Variants in ALK observed in about 807,000 individuals in gnomAD.
ALK encodes the protein ALK tyrosine kinase receptor.
In ALK, 74 loss-of-function variants were observed where a neutral mutation model predicts 163.1. The ratio of observed to expected loss-of-function variants is 0.45; its 90% CI spans 0.38 to 0.55. ALK has a LOEUF of 0.55. Ranked by LOEUF, ALK falls within the 20% of genes least tolerant of loss-of-function variation. The probability of loss-of-function intolerance (pLI) is 0.00; values close to 1 mark genes in which losing one functional copy is unlikely to be tolerated. For synonymous variants in ALK, 960 were observed against 843.2 expected, an observed-to-expected ratio of 1.14 and a Z score of -2.40; for missense variants, 2,063 against 2,105.3, an observed-to-expected ratio of 0.98 and a Z score of 0.39.
chr2:29,393,399 G>C (rs963014122), intron 4 of ALK, among the ~76,000 whole-genome samples: 1 of 152,158 alleles, frequency 6.6e-6, no homozygotes, highest in African/African-American at 2.4e-5. Flanking sequence ...CATAAAACTA[G>C]AATGGTTATT....
At chr2:29,211,878 T>C (rs952698967) in intron 24 of ALK, among the ~76,000 whole-genome samples, 1 of 152,212 alleles carries the variant, frequency 6.6e-6, no homozygotes, top group African/African-American at 2.4e-5. Context: ...AAAAGAGCAA[T>C]AAATGATTAC....
chr2:29,619,215 A>C (rs1675953829), intron 3 of ALK, among the ~76,000 whole-genome samples: 1 of 152,174 alleles, frequency 6.6e-6, no homozygotes, highest in Non-Finnish European at 1.5e-5. Flanking sequence ...GGAAGTTGGG[A>C]TGATCTTTGC....
chr2:29,426,846 T>C (rs1170858798), intron 4 of ALK, among the ~76,000 whole-genome samples: 1 of 151,940 alleles, frequency 6.6e-6, no homozygotes, highest in Non-Finnish European at 1.5e-5. Context: ...GAGACCATAC[T>C]GGCCAACATG....
At chr2:29,420,986 C>CAATG (rs1201009664) in intron 4 of ALK, among the ~76,000 whole-genome samples, 1 of 151,602 alleles carries the variant, frequency 6.6e-6, no homozygotes, top group Non-Finnish European at 1.5e-5. Context: ...TCAGGAAAAG[C>CAATG]AATGGCCAGG....
chr2:29,732,266 C>G (rs948699146), intron 1 of ALK, among the ~76,000 whole-genome samples: 2 of 152,122 alleles, frequency 1.3e-5, no homozygotes, highest in African/African-American at 4.8e-5. Flanking sequence ...GAAAGTGTGA[C>G]TATTAAATCT....
At chr2:29,909,482 G>C (rs1428652717) in intron 1 of ALK, among the ~76,000 whole-genome samples, 1 of 99,166 alleles carries the variant, frequency 1.0e-5, no homozygotes. Context: ...CAGACAGACA[G>C]AGAGAGAGAG....
At chr2:29,593,150 G>A (rs1172797472) in intron 3 of ALK, among the ~76,000 whole-genome samples, 4 of 152,204 alleles carry the variant, frequency 2.6e-5, no homozygotes, top group Admixed American at 6.5e-5. Context: ...GTTACGTTAC[G>A]CCAGTGCCTG....
chr2:29,454,747 G>A (rs2148096036), intron 4 of ALK, among the ~76,000 whole-genome samples: 1 of 152,188 alleles, frequency 6.6e-6, no homozygotes, highest in Admixed American at 6.5e-5. Context: ...AATAAAAGTT[G>A]CAAAAATAGT....
rs1276135244 is a variant in ALK, at chr2:29,270,888, C to T, written c.2041+4211G>A. On this transcript the variant is annotated intron_variant, in intron 11 of 28. Coordinates refer to ENST00000389048, the MANE Select transcript of ALK (RefSeq NM_004304.5). ...GACTTCTCACATCTTGGACCTCCCA[C>T]CTTCAAGGCTGGGATGCAATGATGA... Among the ~76,000 whole-genome samples, 3 of 152,218 alleles carry T rather than the reference C, an allele frequency of 2.0e-5. 1 individual carries two copies. Among genetic ancestry groups the T allele is most frequent in the Non-Finnish European group, 4.4e-5 (3 of 68,034 alleles).
At chr2:29,785,392 A>C (rs1663982022) in intron 1 of ALK, among the ~76,000 whole-genome samples, 1 of 152,202 alleles carries the variant, frequency 6.6e-6, no homozygotes, top group Non-Finnish European at 1.5e-5. Context: ...ATAAAAACAC[A>C]AAATTACCTT....
At chr2:29,220,919 T>C in intron 22 of ALK, 84 bp from the exon 23 acceptor site, 2 of 1,583,244 alleles carry the variant, frequency 1.3e-6, no homozygotes. Context: ...GATACAAAGT[T>C]ACATTTTCAG....
intron 6 of ALK, among the ~76,000 whole-genome samples, chr2:29,325,497 G>A (rs1348469327): frequency 6.6e-6 from 1 of 152,206 alleles, no homozygotes; most frequent in Non-Finnish European, 1.5e-5. Context: ...GACCCAGAGG[G>A]GGAGGCCCCC....
chr2:29,588,973 G>A (rs759613902), intron 3 of ALK, among the ~76,000 whole-genome samples: 14 of 152,088 alleles, frequency 9.2e-5, no homozygotes, highest in Non-Finnish European at 1.6e-4. Context: ...CTCCCCTCCG[G>A]GGGCTGGTTC....
intron 7 of ALK, among the ~76,000 whole-genome samples, chr2:29,319,552 A>G (rs1666945677): frequency 6.6e-6 from 1 of 152,160 alleles, no homozygotes; most frequent in Admixed American, 6.5e-5. Flanking sequence ...GTGGGGCTCC[A>G]GGGGGCAAAA....
chr2:29,866,349 T>C (rs924505896), intron 1 of ALK, among the ~76,000 whole-genome samples: 1 of 152,188 alleles, frequency 6.6e-6, no homozygotes, highest in Non-Finnish European at 1.5e-5. Flanking sequence ...AGCCCATCCA[T>C]GTTTGCACAG....
intron 1 of ALK, among the ~76,000 whole-genome samples, chr2:29,880,970 G>C (rs1175814702): frequency 6.6e-6 from 1 of 152,150 alleles, no homozygotes; most frequent in African/African-American, 2.4e-5. Context: ...TCTGGCCCCG[G>C]ACAGAGAAAG....
intron 3 of ALK, among the ~76,000 whole-genome samples, chr2:29,611,135 G>C (rs1558407435): frequency 6.6e-6 from 1 of 152,170 alleles, no homozygotes; most frequent in Non-Finnish European, 1.5e-5. Flanking sequence ...AATCAAATGT[G>C]ATTTGGGGGT....
At chr2:29,839,831 T>C (rs1186793091) in intron 1 of ALK, among the ~76,000 whole-genome samples, 4 of 152,198 alleles carry the variant, frequency 2.6e-5, no homozygotes, top group African/African-American at 7.2e-5. Context: ...CTTGGTGTTG[T>C]GTCGCTCTGT....
chr2:29,696,733 T>C (rs1425371240), intron 2 of ALK, among the ~76,000 whole-genome samples: 1 of 151,884 alleles, frequency 6.6e-6, no homozygotes, highest in Non-Finnish European at 1.5e-5. Context: ...ACGTGTCGTA[T>C]GAAGAGCATG....
Sources: allele counts gnomAD v4.1 joint callset (sites outside exome capture counted in the v4.1 genomes callset), GRCh38; gene constraint gnomAD v4.1.1; transcripts MANE v1.5; gene names NCBI Gene and HGNC (gene_info 2026-07-23, HGNC 2026-07-21).